Variants in DCLK2 observed in about 807,000 individuals in gnomAD.
The protein encoded by DCLK2 is serine/threonine-protein kinase DCLK2.
Under a neutral mutation model 78.4 loss-of-function variants are expected in DCLK2, and 31 were observed. That is an observed-to-expected ratio of 0.40 (90% confidence interval 0.30 to 0.53). The LOEUF is 0.53. Among genes scored for constraint, DCLK2 ranks in the 20% least tolerant of loss-of-function variants. The probability of loss-of-function intolerance (pLI) is 0.61; values close to 1 mark genes in which losing one functional copy is unlikely to be tolerated. For synonymous variants in DCLK2, 407 were observed against 374.9 expected (o/e 1.09, Z -0.99); for missense variants, 872 against 973.7 (o/e 0.90, Z 1.39).
At chr4:150,137,984 G>C (rs1021929104) in intron 2 of DCLK2, among the ~76,000 whole-genome samples, 2 of 152,042 alleles carry the variant, frequency 1.3e-5, no homozygotes, top group Non-Finnish European at 2.9e-5. Context: ...CTGGCACATT[G>C]GATTTTAAAA....
chr4:150,136,173 C>T (rs778601618), intron 2 of DCLK2, among the ~76,000 whole-genome samples: 4 of 152,000 alleles, frequency 2.6e-5, no homozygotes, highest in Non-Finnish European at 2.9e-5. Flanking sequence ...ACTGAAATTC[C>T]AGAGGTTGAT....
At chr4:150,168,069 T>C (rs1017638534) in intron 2 of DCLK2, among the ~76,000 whole-genome samples, 16 of 152,152 alleles carry the variant, frequency 1.1e-4, no homozygotes, top group Admixed American at 8.5e-4. Context: ...TCAGGCCAGG[T>C]GCGGTGGCTC....
chr4:150,136,318 A>G (rs972289898), intron 2 of DCLK2, among the ~76,000 whole-genome samples: 1 of 152,232 alleles, frequency 6.6e-6, no homozygotes, highest in Admixed American at 6.5e-5. Context: ...CTGCAGTGGC[A>G]GAAGAATTTT....
At chr4:150,208,600 G>A (rs1014989467) in intron 5 of DCLK2, among the ~76,000 whole-genome samples, 1 of 151,998 alleles carries the variant, frequency 6.6e-6, no homozygotes, top group Non-Finnish European at 1.5e-5. Flanking sequence ...GAGGGGAATA[G>A]GGAGGGGGAG....
rs772626694 is a variant in DCLK2 at position 150,249,730 on chromosome 4, G to A, written c.2073+46G>A. On this transcript the variant is annotated intron_variant, in intron 15 of 15. Transcript: ENST00000296550. ...CTGGCCTGACTGCGGAGCCGGCCTT[G>A]AAGTTTTTGAATTAGGTAGCCGGGA... The A allele has an allele frequency of 5.3e-6, 8 of 1,504,948 alleles. No individual in the cohort carries two copies. The South Asian group carries it at 5.6e-5, about 11-fold the overall frequency. The allele number at this position is 1,504,948 out of a possible 1,614,324, so 93.2% of individuals were successfully genotyped here. A position where few individuals can be genotyped will look rare whatever the true frequency, so the allele number is the denominator to read the frequency against.
rs1490882511 is a variant in DCLK2 at position 150,249,561 on chromosome 4, C to G, written c.1957-7C>G. 8.1e-6 allele frequency: 13 copies of G among 1,610,444 alleles called. No individual in the cohort carries two copies. Among genetic ancestry groups the G allele is most frequent in the Non-Finnish European group, 1.1e-5 (13 of 1,177,240 alleles). The stretch of plus-strand genomic sequence containing the variant: ...AGCATTGTATTTGATTGTTTTCTTT[C>G]CTGTAGGATGATGCCTCCCAGGAGA... On this transcript the variant is annotated splice_region_variant and splice_polypyrimidine_tract_variant and intron_variant, in intron 14 of 15. Transcript: ENST00000296550.
intron 3 of DCLK2, among the ~76,000 whole-genome samples, chr4:150,197,156 A>G (rs1739101746): frequency 7.9e-6 from 1 of 126,554 alleles, no homozygotes. Context: ...TCCGTCTCAA[A>G]AAAAAAAAAA....
intron 3 of DCLK2, among the ~76,000 whole-genome samples, chr4:150,196,079 T>A (rs1418467743): frequency 6.6e-6 from 1 of 152,152 alleles, no homozygotes; most frequent in Non-Finnish European, 1.5e-5. Context: ...TTTAATCAGT[T>A]ATTTAACTTG....
intron 5 of DCLK2, among the ~76,000 whole-genome samples, chr4:150,218,292 G>A (rs1740899997): frequency 6.6e-6 from 1 of 152,160 alleles, no homozygotes; most frequent in Non-Finnish European, 1.5e-5. Flanking sequence ...AGGGTAGGGT[G>A]GGAGTGAAGG....
At chr4:150,215,311 C>T (rs1212450725) in intron 5 of DCLK2, among the ~76,000 whole-genome samples, 1 of 152,126 alleles carries the variant, frequency 6.6e-6, no homozygotes, top group Non-Finnish European at 1.5e-5. Flanking sequence ...ATGCTATCTA[C>T]CTGGAGGTAG....
chr4:150,225,296 G>T (rs1430686450), intron 8 of DCLK2, among the ~76,000 whole-genome samples: 1 of 152,212 alleles, frequency 6.6e-6, no homozygotes, highest in African/African-American at 2.4e-5. Context: ...ATCATGAGCA[G>T]AAATGCTGTG....
At chr4:150,118,606 AG>A (rs1378525903) in intron 2 of DCLK2, among the ~76,000 whole-genome samples, 1 of 150,072 alleles carries the variant, frequency 6.7e-6, no homozygotes, top group Non-Finnish European at 1.5e-5. Context: ...CATTTGCATT[AG>A]AAAAATGTAA....
At chr4:150,124,729 C>A (rs929616826) in intron 2 of DCLK2, among the ~76,000 whole-genome samples, 1 of 152,152 alleles carries the variant, frequency 6.6e-6, no homozygotes, top group South Asian at 2.1e-4. Flanking sequence ...TCTTAGATGC[C>A]TCTCAGCTTA....
chr4:150,147,810 A>C (rs1734590530), intron 2 of DCLK2, among the ~76,000 whole-genome samples: 1 of 152,228 alleles, frequency 6.6e-6, no homozygotes. Flanking sequence ...AATGCATTTT[A>C]GTCCTATTTT....
At chr4:150,245,283 G>GGCAAGTCTC (rs1445464445) in intron 12 of DCLK2, among the ~76,000 whole-genome samples, 1 of 152,200 alleles carries the variant, frequency 6.6e-6, no homozygotes, top group African/African-American at 2.4e-5. Context: ...GCCTGGCCCA[G>GGCAAGTCTC]TTATCTGTCC....
chr4:150,244,391 T>C (rs572714870), intron 12 of DCLK2, among the ~76,000 whole-genome samples: 1 of 152,234 alleles, frequency 6.6e-6, no homozygotes, highest in Non-Finnish European at 1.5e-5. Flanking sequence ...GAAATTTTTG[T>C]TTCTCTTAAA....
chr4:150,078,946 G>A lies in DCLK2; in HGVS notation c.-82G>A. On this transcript the variant is annotated 5_prime_UTR_variant, in exon 1 of 16. Transcript: ENST00000296550. Reference sequence around the variant, plus strand: ...GTGTCCCGGCGCGTTAAGGGCCCTCGCAGTCAGACGTCCCTGCACCGGCGC... The same window carrying A: ...GTGTCCCGGCGCGTTAAGGGCCCTCACAGTCAGACGTCCCTGCACCGGCGC... The A allele has an allele frequency of 7.8e-6, 11 of 1,415,122 alleles. No individual in the cohort carries two copies. Among genetic ancestry groups the A allele is most frequent in the Non-Finnish European group, 1.0e-5 (11 of 1,079,272 alleles). The allele number at this position is 1,415,122 out of a possible 1,614,324, so 87.7% of individuals were successfully genotyped here.
intron 2 of DCLK2, among the ~76,000 whole-genome samples, chr4:150,153,286 T>A (rs1201159284): frequency 6.6e-6 from 1 of 152,156 alleles, no homozygotes; most frequent in Non-Finnish European, 1.5e-5. Context: ...TTCCATGTGG[T>A]GCTGAAGGCA....
chr4:150,216,244 C>T (rs546378699), intron 5 of DCLK2, among the ~76,000 whole-genome samples: 129 of 152,312 alleles, frequency 8.5e-4, no homozygotes, highest in African/African-American at 3.0e-3. Context: ...GAGTGTTGCT[C>T]ATCATCAGAT....
Sources: gnomAD v4.1 joint callset for allele counts (sites outside exome capture counted in the v4.1 genomes callset) on GRCh38, gnomAD v4.1.1 for gene constraint, MANE v1.5 for transcripts, NCBI Gene and HGNC (gene_info 2026-07-23, HGNC 2026-07-21) for gene names.